AFG2A: variants seen among roughly 807,000 people sequenced by gnomAD.
The protein encoded by AFG2A is ATPase family gene 2 protein homolog A.
the AFG2A span, among the ~76,000 whole-genome samples, chr4:122,930,337 A>T: frequency 2.0e-5 from 3 of 152,228 alleles, no homozygotes; most frequent in Non-Finnish European, 2.9e-5. Flanking sequence ...ATCTTTTTAT[A>T]CTTTAATGTC....
At chr4:122,964,081 G>A in the AFG2A span, among the ~76,000 whole-genome samples, 2 of 152,108 alleles carry the variant, frequency 1.3e-5, no homozygotes, top group African/African-American at 2.4e-5. Context: ...TTTTAGTAAG[G>A]TTGTTAAGCC....
the AFG2A span, among the ~76,000 whole-genome samples, chr4:122,969,307 A>T: frequency 4.6e-5 from 7 of 151,392 alleles, no homozygotes; most frequent in Admixed American, 1.3e-4. Flanking sequence ...ACTTTTTTTC[A>T]TATAGATGTG....
the AFG2A span, among the ~76,000 whole-genome samples, chr4:123,123,827 C>T: frequency 2.0e-5 from 3 of 150,980 alleles, no homozygotes; most frequent in African/African-American, 7.3e-5. Flanking sequence ...TGGCGCGCGC[C>T]TGTAGTCCCA....
chr4:123,174,825 A>AT, the AFG2A span, among the ~76,000 whole-genome samples: 1 of 151,128 alleles, frequency 6.6e-6, no homozygotes, highest in Admixed American at 6.6e-5. Flanking sequence ...TTTTTAAAAA[A>AT]AATATATATA....
chr4:123,310,125 T>G, the AFG2A span, among the ~76,000 whole-genome samples: 1 of 152,228 alleles, frequency 6.6e-6, no homozygotes, highest in African/African-American at 2.4e-5. Flanking sequence ...ATGCTTTTGC[T>G]TTTGGAATTT....
the AFG2A span, among the ~76,000 whole-genome samples, chr4:123,198,263 C>T: frequency 6.2e-4 from 66 of 107,030 alleles, no homozygotes; most frequent in African/African-American, 1.8e-3. Context: ...AGCTACACTC[C>T]GTCTCAAAAA....
chr4:122,991,332 T>A, the AFG2A span, among the ~76,000 whole-genome samples: 3 of 152,164 alleles, frequency 2.0e-5, no homozygotes, highest in African/African-American at 7.2e-5. Flanking sequence ...CTCTTTTAAA[T>A]CCTACCTTAT....
chr4:122,966,379 G>GGTTTATTT, the AFG2A span, among the ~76,000 whole-genome samples: 1 of 152,190 alleles, frequency 6.6e-6, no homozygotes, highest in East Asian at 1.9e-4. Flanking sequence ...GTTGGATGTA[G>GGTTTATTT]GTTTATTTAA....
chr4:123,134,388 C>T, the AFG2A span, among the ~76,000 whole-genome samples: 1 of 152,100 alleles, frequency 6.6e-6, no homozygotes, highest in Non-Finnish European at 1.5e-5. Flanking sequence ...TTCTTGGCAT[C>T]ATCATCAAAA....
chr4:122,947,488 G>A, the AFG2A span: 1 of 1,606,346 alleles, frequency 6.2e-7, no homozygotes, highest in Non-Finnish European at 8.5e-7. Context: ...TAATGAAGCA[G>A]GTGAGTGTGG....
At chr4:123,258,194 G>A in the AFG2A span, among the ~76,000 whole-genome samples, 1 of 152,138 alleles carries the variant, frequency 6.6e-6, no homozygotes, top group East Asian at 1.9e-4. Flanking sequence ...CTACATCTTA[G>A]TAGTTCTGTG....
chr4:123,132,462 C>T, the AFG2A span, among the ~76,000 whole-genome samples: 1 of 151,434 alleles, frequency 6.6e-6, no homozygotes, highest in African/African-American at 2.4e-5. Flanking sequence ...GCAAGATTTC[C>T]TTCTTTTTTA....
chr4:123,229,963 A>AT, the AFG2A span, among the ~76,000 whole-genome samples: 25 of 151,740 alleles, frequency 1.6e-4, no homozygotes, highest in African/African-American at 3.9e-4. Flanking sequence ...TAAAAAAACA[A>AT]TTTTTTTTAT....
chr4:123,286,684 C>T, the AFG2A span, among the ~76,000 whole-genome samples: 13 of 152,058 alleles, frequency 8.5e-5, no homozygotes, highest in African/African-American at 3.1e-4. Flanking sequence ...AATCACACAT[C>T]GACCTGGTTA....
the AFG2A span, among the ~76,000 whole-genome samples, chr4:123,305,787 T>G: frequency 3.3e-5 from 5 of 152,232 alleles, no homozygotes; most frequent in Non-Finnish European, 7.3e-5. Context: ...CTGAGCCACC[T>G]GTTTAAACTC....
At chr4:123,288,752 G>A in the AFG2A span, among the ~76,000 whole-genome samples, 3 of 152,226 alleles carry the variant, frequency 2.0e-5, no homozygotes. Context: ...AGGACTGGAG[G>A]ACTGATGTGG....
the AFG2A span, among the ~76,000 whole-genome samples, chr4:122,938,811 G>C: frequency 1.3e-5 from 2 of 152,048 alleles, no homozygotes; most frequent in South Asian, 2.1e-4. Flanking sequence ...TGGCCAGGCT[G>C]GTCTCGAACT....
chr4:123,111,732 C>CTTCTTA, the AFG2A span, among the ~76,000 whole-genome samples: 3 of 149,772 alleles, frequency 2.0e-5, no homozygotes, highest in African/African-American at 7.3e-5. Context: ...TCTTCTTCTT[C>CTTCTTA]TTATTATTAT....
the AFG2A span, among the ~76,000 whole-genome samples, chr4:123,037,949 C>G: frequency 6.6e-6 from 1 of 152,046 alleles, no homozygotes; most frequent in Non-Finnish European, 1.5e-5. Flanking sequence ...AGCTCTAGGA[C>G]TTTTGGCATA....
Sources: allele counts gnomAD v4.1 joint callset (sites outside exome capture counted in the v4.1 genomes callset), GRCh38; gene constraint gnomAD v4.1.1; transcripts MANE v1.5; gene names NCBI Gene and HGNC (gene_info 2026-07-23, HGNC 2026-07-21).